TCF4: variants seen among roughly 807,000 people sequenced by gnomAD.
TCF4 encodes SL3-3 enhancer factor 2.
TCF4 carries 3 observed loss-of-function variants against 82.1 expected under a neutral mutation model. The observed-to-expected ratio is 0.04, with a 90% CI of 0.02 to 0.09. The LOEUF (loss-of-function observed/expected upper bound fraction) is 0.09. Ranked by LOEUF, TCF4 falls within the 10% of genes least tolerant of loss-of-function variation. The probability of loss-of-function intolerance (pLI) is 1.00; values close to 1 mark genes in which losing one functional copy is unlikely to be tolerated. For synonymous variants in TCF4, 276 were observed against 309.6 expected, an observed-to-expected ratio of 0.89 and a Z score of 1.14; for missense variants, 518 against 852.7, an observed-to-expected ratio of 0.61 and a Z score of 4.89.
intron 3 of TCF4, among the ~76,000 whole-genome samples, chr18:55,536,214 C>G (rs1454727957): frequency 6.6e-6 from 1 of 152,162 alleles, no homozygotes; most frequent in Non-Finnish European, 1.5e-5. Flanking sequence ...CTTCAAGCAT[C>G]CCAAAGAACA....
chr18:55,521,284 A>T (rs2096931066), intron 3 of TCF4, among the ~76,000 whole-genome samples: 1 of 152,236 alleles, frequency 6.6e-6, no homozygotes, highest in Admixed American at 6.5e-5. Context: ...TTATAGTAAT[A>T]AAAAATAATG....
chr18:55,440,134 G>A (rs940834513), intron 5 of TCF4, among the ~76,000 whole-genome samples: 1 of 152,074 alleles, frequency 6.6e-6, no homozygotes, highest in Non-Finnish European at 1.5e-5. Flanking sequence ...GAGCCACCAC[G>A]CCCAGCCACA....
rs201241564 is a variant in TCF4, at chr18:55,379,637, G to A, written c.369+23817C>T. 1.9e-4 allele frequency among the ~76,000 whole-genome samples: 29 copies of A among 152,170 alleles called. 1 individual carries two copies. In the East Asian group the frequency reaches 5.0e-3, roughly 26 times the overall value. On this transcript the variant is annotated intron_variant, in intron 6 of 19. Transcript: ENST00000354452. Reference sequence around the variant, plus strand: ...TTCAGTTTTTGGGGTTTTTTTTGGTGGAATAGTTAATTCAGTTAATTTACT... The same window carrying A: ...TTCAGTTTTTGGGGTTTTTTTTGGTAGAATAGTTAATTCAGTTAATTTACT...
At position 55,556,201 on chromosome 18, in the gene TCF4, AG is replaced by A. The variant is rs1251061480; in HGVS notation, c.145+29078del. Reference sequence around the variant, plus strand: ...ATTGTTTATTCTCTTTGACTTTCAAAGGAGTGAGTGGTTTTCCAGAATAGCA... The same window carrying A: ...ATTGTTTATTCTCTTTGACTTTCAAAGAGTGAGTGGTTTTCCAGAATAGCA... On this transcript the variant is annotated intron_variant, in intron 3 of 19. Coordinates refer to ENST00000354452, the MANE Select transcript of TCF4 (RefSeq NM_001083962.2). 7.2e-5 allele frequency among the ~76,000 whole-genome samples: 11 copies of A among 152,260 alleles called. No individual in the cohort carries two copies. In the East Asian group the frequency reaches 1.9e-3, roughly 27 times the overall value.
chr18:55,555,920 A>G (rs1183835727), intron 3 of TCF4, among the ~76,000 whole-genome samples: 1 of 152,208 alleles, frequency 6.6e-6, no homozygotes, highest in Admixed American at 6.5e-5. Context: ...TATCAATGAT[A>G]TTTCTCTTTA....
intron 3 of TCF4, among the ~76,000 whole-genome samples, chr18:55,566,190 G>A (rs1003896352): frequency 5.9e-5 from 9 of 152,026 alleles, no homozygotes; most frequent in African/African-American, 1.9e-4. Context: ...TCCAGCCTGG[G>A]CGACAGAGCG....
Position 55,340,583 on chromosome 18 carries a change from C to CAAA in TCF4, c.549+9773_549+9775dup, listed in dbSNP as rs11428164. On this transcript the variant is annotated intron_variant, in intron 8 of 19. Coordinates refer to ENST00000354452, the MANE Select transcript of TCF4 (RefSeq NM_001083962.2). ...TAGGTGACAGAGCAAGACCCCATCT[C>CAAA]AAAAAAAAAAAAAAAAAAAAGCAAT... Among the ~76,000 whole-genome samples, 135 of 65,368 alleles carry CAAA rather than the reference C, an allele frequency of 2.1e-3. 2 individuals carry two copies. Among genetic ancestry groups the CAAA allele is most frequent in the African/African-American group, 6.8e-3 (86 of 12,704 alleles). The allele number at this position is 65,368 out of a possible 152,430, so 42.9% of individuals were successfully genotyped here.
At chr18:55,412,616 G>A (rs977055123) in intron 5 of TCF4, among the ~76,000 whole-genome samples, 2 of 152,106 alleles carry the variant, frequency 1.3e-5, no homozygotes, top group African/African-American at 4.8e-5. Context: ...GTTCTGTGGA[G>A]GCATGACAAG....
chr18:55,477,835 C>T (rs1406069572), intron 3 of TCF4, among the ~76,000 whole-genome samples: 1 of 152,198 alleles, frequency 6.6e-6, no homozygotes, highest in Non-Finnish European at 1.5e-5. Context: ...GGTTTAATCA[C>T]ATCAAATTCC....
chr18:55,536,844 C>T (rs917885765), intron 3 of TCF4, among the ~76,000 whole-genome samples: 3 of 152,124 alleles, frequency 2.0e-5, no homozygotes, highest in Non-Finnish European at 4.4e-5. Context: ...AAAAGTACTT[C>T]CAGTTTCTGG....
chr18:55,441,724 T>C (rs1319602498), intron 5 of TCF4, among the ~76,000 whole-genome samples: 1 of 152,198 alleles, frequency 6.6e-6, no homozygotes, highest in African/African-American at 2.4e-5. Flanking sequence ...CATAATCGTA[T>C]AATAAGTAAG....
upstream of TCF4, chr18:55,588,321 G>A: frequency 1.4e-6 from 2 of 1,475,210 alleles, no homozygotes; most frequent in South Asian, 2.7e-5. Flanking sequence ...AAAGAAATGG[G>A]TGGGGGGGCT....
At chr18:55,435,970 G>A (rs9951694) in intron 5 of TCF4, among the ~76,000 whole-genome samples, 7,665 of 152,252 alleles carry the variant, frequency 0.05, 360 homozygotes, top group South Asian at 0.17. Context: ...TGTGACACAA[G>A]TCTGATGCTC....
At chr18:55,384,056 TA>T (rs1003777559) in intron 6 of TCF4, 13 of 152,244 alleles carry the variant, frequency 8.5e-5, no homozygotes, top group Admixed American at 2.6e-4. Context: ...ACAGTCACCT[TA>T]AAAAGTGACT....
chr18:55,274,244 G>A (rs2061005468), intron 10 of TCF4, among the ~76,000 whole-genome samples: 1 of 152,088 alleles, frequency 6.6e-6, no homozygotes, highest in Non-Finnish European at 1.5e-5. Flanking sequence ...CTCCAAATAG[G>A]AGGTGGGAAA....
intron 6 of TCF4, among the ~76,000 whole-genome samples, chr18:55,391,579 GT>G (rs2093099302): frequency 1.3e-5 from 2 of 152,026 alleles, no homozygotes; most frequent in South Asian, 4.2e-4. Flanking sequence ...CTGGGCCCAG[GT>G]AAGCCCAAGT....
intron 15 of TCF4, among the ~76,000 whole-genome samples, chr18:55,252,698 T>G (rs551831902): frequency 6.6e-6 from 1 of 152,208 alleles, no homozygotes; most frequent in Non-Finnish European, 1.5e-5. Flanking sequence ...ATGCCCTGGG[T>G]GCATGTTACA....
chr18:55,454,443 G>A (rs1188020393), intron 5 of TCF4, among the ~76,000 whole-genome samples: 2 of 152,000 alleles, frequency 1.3e-5, no homozygotes, highest in Non-Finnish European at 2.9e-5. Flanking sequence ...TGATTCACTC[G>A]ACAGTCATTT....
At chr18:55,480,904 G>A (rs1010335586) in intron 3 of TCF4, among the ~76,000 whole-genome samples, 1 of 152,120 alleles carries the variant, frequency 6.6e-6, no homozygotes, top group Admixed American at 6.5e-5. Context: ...AGGAGTTTGA[G>A]ACCAGCCTAG....
Sources: gnomAD v4.1 joint callset for allele counts (sites outside exome capture counted in the v4.1 genomes callset) on GRCh38, gnomAD v4.1.1 for gene constraint, MANE v1.5 for transcripts, NCBI Gene and HGNC (gene_info 2026-07-23, HGNC 2026-07-21) for gene names.